The following EPG5 variants were observed in gnomAD, a reference collection of about 807,000 sequenced individuals.
The protein encoded by EPG5 is ectopic P granules protein 5 homolog.
A neutral mutation model predicts 302.7 loss-of-function variants in EPG5; 159 were observed. The observed-to-expected ratio is 0.53, with a 90% CI of 0.46 to 0.60. The LOEUF (loss-of-function observed/expected upper bound fraction) is 0.60, where lower values mean the gene tolerates loss of function less well. Ranked by LOEUF, EPG5 falls within the 20% of genes least tolerant of loss-of-function variation. EPG5 has a pLI of 0.00. For missense variants in EPG5, 2,896 were observed against 3,092.4 expected, an observed-to-expected ratio of 0.94 and a Z score of 1.51; for synonymous variants, 1,158 against 1,136.8, an observed-to-expected ratio of 1.02 and a Z score of -0.37.
chr18:45,954,915 T>C lies in EPG5; in HGVS notation c.487A>G (p.Thr163Ala). The change falls in exon 2 of 44, where the codon ACT (threonine) becomes GCT (alanine). Residue 163 changes from threonine (T) to alanine (A), a missense_variant. Physicochemically the swap from Thr to Ala is moderately conservative, Grantham distance 58. This residue lies in a region of EPG5 where 1,390 missense variants were observed against 1,430.0 expected (regional missense o/e 0.97). Coordinates refer to ENST00000282041, the MANE Select transcript of EPG5 (RefSeq NM_020964.3). ...TGTATATTTTCCATTGCTGGCTGAG[T>C]ATAAGAAAAATTAGATTGGGGTGCA... ...ESAPQSNFSYTQPAMENIQVR... is the reference protein window; with the variant it reads ...ESAPQSNFSYAQPAMENIQVR... 1 of 1,613,620 alleles carries C rather than the reference T, an allele frequency of 6.2e-7. No homozygotes were observed. Among genetic ancestry groups the C allele is most frequent in the Non-Finnish European group, 8.5e-7 (1 of 1,179,836 alleles).
the EPG5 span, among the ~76,000 whole-genome samples, chr18:45,836,298 C>T: frequency 6.6e-6 from 1 of 152,136 alleles, no homozygotes; most frequent in African/African-American, 2.4e-5. Flanking sequence ...CTTTGAGGGT[C>T]ACATGACATG....
intron 32 of EPG5, 81 bp downstream of exon 32, chr18:45,879,994 G>C (rs567488483): frequency 1.4e-4 from 196 of 1,440,664 alleles, no homozygotes; most frequent in Admixed American, 3.5e-4. Flanking sequence ...TAATGCACAA[G>C]TTTTCCAACT....
chr18:45,956,855 A>T (rs1349956768), intron 1 of EPG5, among the ~76,000 whole-genome samples: 2 of 152,068 alleles, frequency 1.3e-5, no homozygotes, highest in African/African-American at 4.8e-5. Context: ...GCAACTTTTC[A>T]CTAAGTACAA....
intron 24 of EPG5, among the ~76,000 whole-genome samples, chr18:45,905,113 A>G (rs2049715922): frequency 6.6e-6 from 1 of 152,192 alleles, no homozygotes; most frequent in South Asian, 2.1e-4. Flanking sequence ...ACCTCTCCCT[A>G]CACTCCCATG....
intron 3 of EPG5, among the ~76,000 whole-genome samples, chr18:45,951,458 A>G (rs1364938108): frequency 2.2e-5 from 3 of 138,280 alleles, no homozygotes; most frequent in African/African-American, 6.3e-5. Context: ...CAACCTCATC[A>G]TAATTTTTTT....
downstream of EPG5, among the ~76,000 whole-genome samples, chr18:45,846,388 G>A (rs2145104531): frequency 6.6e-6 from 1 of 152,108 alleles, no homozygotes; most frequent in East Asian, 1.9e-4. Context: ...AGGCATGGTG[G>A]CAGGTGCCTG....
At chr18:45,828,115 G>T in the EPG5 span, among the ~76,000 whole-genome samples, 2 of 152,174 alleles carry the variant, frequency 1.3e-5, no homozygotes, top group African/African-American at 4.8e-5. Context: ...TCCAGGCCAC[G>T]GCCTGGGCAG....
intron 1 of EPG5, among the ~76,000 whole-genome samples, chr18:45,956,019 G>A (rs539276694): frequency 3.3e-5 from 5 of 152,306 alleles, no homozygotes; most frequent in African/African-American, 1.2e-4. Flanking sequence ...GAGTTTAAGG[G>A]AAACAGAGTA....
intron 26 of EPG5, among the ~76,000 whole-genome samples, chr18:45,900,486 C>T (rs1040457401): frequency 5.3e-5 from 8 of 151,468 alleles, no homozygotes; most frequent in Non-Finnish European, 8.8e-5. Flanking sequence ...AACAGACTTA[C>T]TCCACGTACG....
chr18:45,917,449 T>C (rs530432031), intron 17 of EPG5, among the ~76,000 whole-genome samples: 1 of 152,344 alleles, frequency 6.6e-6, no homozygotes, highest in African/African-American at 2.4e-5. Context: ...CAATTCAAAG[T>C]TATAATAAAT....
At chr18:45,841,989 C>A in the EPG5 span, 1 of 950,312 alleles carries the variant, frequency 1.1e-6, no homozygotes, top group Admixed American at 1.9e-5. Context: ...CCTGCCGGTT[C>A]CAGCCGCACT....
the EPG5 span, chr18:45,840,334 A>T: frequency 7.0e-7 from 1 of 1,418,714 alleles, no homozygotes; most frequent in Non-Finnish European, 9.7e-7. Flanking sequence ...TAAATGGCAA[A>T]GGGCTGGGGC....
At chr18:45,896,114 A>T (rs1282628839) in intron 27 of EPG5, among the ~76,000 whole-genome samples, 1 of 152,240 alleles carries the variant, frequency 6.6e-6, no homozygotes, top group Non-Finnish European at 1.5e-5. Context: ...TCAACCAGCA[A>T]ATACCGCCTG....
intron 21 of EPG5, 90 bp from the exon 22 acceptor site, chr18:45,912,546 A>C (rs1680016420): frequency 8.1e-7 from 1 of 1,228,310 alleles, no homozygotes; most frequent in Admixed American, 2.9e-5. Context: ...GAAACACCAA[A>C]CATTCTGTTT....
At chr18:45,800,959 G>A in the EPG5 span, among the ~76,000 whole-genome samples, 1 of 152,178 alleles carries the variant, frequency 6.6e-6, no homozygotes. Context: ...GTGGTGTATA[G>A]ACTCCAAAGC....
chr18:45,861,763 A>G (rs1348228165), intron 39 of EPG5, among the ~76,000 whole-genome samples: 2 of 152,310 alleles, frequency 1.3e-5, no homozygotes, highest in South Asian at 2.1e-4. Flanking sequence ...GGTGATCAGT[A>G]TATTTTCTTT....
chr18:45,807,652 C>G, the EPG5 span, among the ~76,000 whole-genome samples: 3 of 152,306 alleles, frequency 2.0e-5, no homozygotes, highest in Non-Finnish European at 4.4e-5. Context: ...GCTCGGCTCT[C>G]AGGAAGCCAC....
chr18:45,867,025 AT>A lies in EPG5; in HGVS notation c.6412-19del. The A allele has an allele frequency of 6.2e-7, 1 of 1,601,486 alleles. No individual in the cohort carries two copies. The highest frequency in any genetic ancestry group is 8.6e-7 in the Non-Finnish European group (1 of 1,168,954). ...GGTGAATCCTAAAAATAAAACACAT[AT>A]TCCTTTAGTTCCAGAGCCCCAATTT... On this transcript the variant is annotated intron_variant, in intron 37 of 43. Transcript: ENST00000282041.
Position 45,852,077 on chromosome 18 carries a change from C to T in EPG5, c.*390G>A, listed in dbSNP as rs1297921290. Reference sequence around the variant, plus strand: ...TAAAAGTAAGGGTACTGAGTGACTTCCAAGGTTGTCAGATCTGGAACATTT... The same window carrying T: ...TAAAAGTAAGGGTACTGAGTGACTTTCAAGGTTGTCAGATCTGGAACATTT... On this transcript the variant is annotated 3_prime_UTR_variant, in exon 44 of 44. Transcript: ENST00000282041. 1 of 160,304 alleles carries T rather than the reference C, an allele frequency of 6.2e-6. No homozygotes were observed. Among genetic ancestry groups the T allele is most frequent in the African/African-American group, 2.4e-5 (1 of 41,716 alleles). 9.9% of individuals were successfully genotyped at this position (160,304 alleles called of 1,614,324 possible). A position where few individuals can be genotyped will look rare whatever the true frequency, so the allele number is the denominator to read the frequency against.
Sources: allele counts gnomAD v4.1 joint callset (sites outside exome capture counted in the v4.1 genomes callset), GRCh38; gene constraint gnomAD v4.1.1; regional missense constraint gnomAD v4.1.1; transcripts MANE v1.5; gene names NCBI Gene and HGNC (gene_info 2026-07-23, HGNC 2026-07-21).